The following DNAH8 variants were observed in gnomAD, a reference collection of about 807,000 sequenced individuals.
DNAH8 encodes dynein axonemal heavy chain 8.
DNAH8 carries 382 observed loss-of-function variants against 562.1 expected under a neutral mutation model. That is an observed-to-expected ratio of 0.68 (90% CI 0.63 to 0.74). The LOEUF (loss-of-function observed/expected upper bound fraction) is 0.74. Among genes scored for constraint, DNAH8 ranks in the 30% least tolerant of loss-of-function variants. The pLI, the probability that DNAH8 is intolerant of heterozygous loss-of-function variation, is 0.00. For missense variants in DNAH8, 5,203 were observed against 5,620.4 expected, an observed-to-expected ratio of 0.93 and a Z score of 2.37; for synonymous variants, 1,881 against 1,919.4, an observed-to-expected ratio of 0.98 and a Z score of 0.52.
chr6:38,905,301 T>G (rs1780369257), intron 62 of DNAH8, among the ~76,000 whole-genome samples: 1 of 152,234 alleles, frequency 6.6e-6, no homozygotes, highest in Non-Finnish European at 1.5e-5. Flanking sequence ...GTCTGCTTTA[T>G]TTTTACACAT....
At chr6:38,861,966 C>G (rs78999608) in intron 43 of DNAH8, among the ~76,000 whole-genome samples, 1 of 59,612 alleles carries the variant, frequency 1.7e-5, no homozygotes. Flanking sequence ...TTTTTTTTTT[C>G]TGGAGAGCCA....
intron 11 of DNAH8, among the ~76,000 whole-genome samples, chr6:38,767,673 C>G (rs1369294037): frequency 6.6e-6 from 1 of 152,018 alleles, no homozygotes; most frequent in Non-Finnish European, 1.5e-5. Context: ...TATGTATAGT[C>G]CATATATTTT....
chr6:38,853,117 TG>T, intron 40 of DNAH8, 68 bp from the exon 41 acceptor site: 5 of 1,179,544 alleles, frequency 4.2e-6, no homozygotes, highest in Non-Finnish European at 6.1e-6. Context: ...ATTTATTAAG[TG>T]TGCATGGAAC....
chr6:38,843,825 AAT>A (rs1775043781), intron 35 of DNAH8, among the ~76,000 whole-genome samples: 1 of 152,024 alleles, frequency 6.6e-6, no homozygotes, highest in East Asian at 1.9e-4. Flanking sequence ...TGGCTTATAT[AAT>A]GTGTTAAAAT....
At chr6:38,725,323 A>ATAATAATAATAATAG (rs1763127085) in intron 3 of DNAH8, among the ~76,000 whole-genome samples, 2 of 148,072 alleles carry the variant, frequency 1.4e-5, no homozygotes, top group Non-Finnish European at 3.0e-5. Flanking sequence ...AATAATAATA[A>ATAATAATAATAATAG]TAATAATAAT....
intron 32 of DNAH8, among the ~76,000 whole-genome samples, chr6:38,836,055 C>T (rs868772858): frequency 1.4e-4 from 21 of 151,932 alleles, no homozygotes; most frequent in South Asian, 4.2e-4. Context: ...GCAGAATTGA[C>T]GGGCCTGAAA....
At chr6:38,846,284 G>T (rs572553865) in intron 36 of DNAH8, among the ~76,000 whole-genome samples, 1 of 152,138 alleles carries the variant, frequency 6.6e-6, no homozygotes, top group East Asian at 1.9e-4. Context: ...CCTGAATGAG[G>T]TCACCTGTTC....
chr6:38,747,384 C>CTT (rs55729629), intron 8 of DNAH8, among the ~76,000 whole-genome samples: 15 of 113,754 alleles, frequency 1.3e-4, no homozygotes, highest in African/African-American at 4.7e-4. Context: ...TTTTCTTTTT[C>CTT]TTTTTTTTTT....
chr6:38,874,757 T>G (rs1023836459), intron 52 of DNAH8, among the ~76,000 whole-genome samples: 3 of 152,352 alleles, frequency 2.0e-5, no homozygotes, highest in Admixed American at 2.0e-4. Flanking sequence ...CTCCTAATTC[T>G]GATCTATAGG....
intron 13 of DNAH8, 35 bp from the exon 14 acceptor site, chr6:38,778,353 C>G: frequency 1.7e-6 from 2 of 1,209,540 alleles, no homozygotes; most frequent in Non-Finnish European, 2.4e-6. Context: ...CTCTTTAACA[C>G]CAAAAATCAT....
chr6:38,748,755 A>AAATAATAATAATAATAAT (rs57398991), intron 8 of DNAH8, among the ~76,000 whole-genome samples: 83 of 138,606 alleles, frequency 6.0e-4, no homozygotes, highest in East Asian at 1.0e-3. Flanking sequence ...CTCCGTCTCA[A>AAATAATAATAATAATAAT]AATAATAATA....
At chr6:38,824,146 T>C (rs1361294423) in intron 28 of DNAH8, among the ~76,000 whole-genome samples, 1 of 152,140 alleles carries the variant, frequency 6.6e-6, no homozygotes, top group East Asian at 1.9e-4. Flanking sequence ...GAGGAGACAA[T>C]CATTAATGCT....
chr6:38,800,494 G>A (rs979471494), intron 21 of DNAH8, among the ~76,000 whole-genome samples: 7 of 152,062 alleles, frequency 4.6e-5, no homozygotes, highest in African/African-American at 1.7e-4. Context: ...CTATTAGCTA[G>A]TGATGTTGAG....
intron 16 of DNAH8, among the ~76,000 whole-genome samples, chr6:38,781,610 A>T (rs772207409): frequency 6.6e-6 from 1 of 152,208 alleles, no homozygotes; most frequent in African/African-American, 2.4e-5. Context: ...TTATAATTTT[A>T]TGTCTTTTAA....
At chr6:38,756,955 A>G (rs1309510731) in intron 10 of DNAH8, among the ~76,000 whole-genome samples, 5 of 151,912 alleles carry the variant, frequency 3.3e-5, no homozygotes, top group African/African-American at 4.8e-5. Context: ...AGTCTTTGCT[A>G]TTGTGAATAG....
At chr6:38,844,149 C>T (rs1337285494) in intron 35 of DNAH8, among the ~76,000 whole-genome samples, 1 of 152,136 alleles carries the variant, frequency 6.6e-6, no homozygotes. Flanking sequence ...AGCCCAGGTA[C>T]TCCTTTTCCT....
intron 49 of DNAH8, among the ~76,000 whole-genome samples, chr6:38,871,944 T>A (rs887843786): frequency 2.6e-5 from 4 of 152,186 alleles, no homozygotes; most frequent in African/African-American, 9.6e-5. Flanking sequence ...TCCCGAGGGA[T>A]CAGGCTCAAG....
chr6:38,787,447 C>T (rs927533219), intron 18 of DNAH8, among the ~76,000 whole-genome samples: 1 of 151,922 alleles, frequency 6.6e-6, no homozygotes, highest in Non-Finnish European at 1.5e-5. Context: ...CATGTACTGC[C>T]GGGTGCAGTG....
At position 38,974,532 on chromosome 6, in the gene DNAH8, A is replaced by T; in HGVS notation, c.12834+3A>T. On this transcript the variant is annotated splice_donor_region_variant and intron_variant, in intron 85 of 92. Transcript: ENST00000327475. ...CATTTTTACACTCCACTGTGCAGGT[A>T]ACTGCAGAAAGCAGTTTTCACATTT... The T allele has an allele frequency of 6.2e-7, 1 of 1,611,758 alleles. No individual in the cohort carries two copies. Among genetic ancestry groups the T allele is most frequent in the Non-Finnish European group, 8.5e-7 (1 of 1,179,000 alleles).
Sources: gnomAD v4.1 joint callset for allele counts (sites outside exome capture counted in the v4.1 genomes callset) on GRCh38, gnomAD v4.1.1 for gene constraint, MANE v1.5 for transcripts, NCBI Gene and HGNC (gene_info 2026-07-23, HGNC 2026-07-21) for gene names.